FGF12: variants seen among roughly 807,000 people sequenced by gnomAD.
The protein encoded by FGF12 is fibroblast growth factor 12.
In FGF12, 14 loss-of-function variants were observed where a neutral mutation model predicts 23.6. That is an observed-to-expected ratio of 0.59 (90% CI 0.39 to 0.93). The LOEUF is 0.93. Among genes scored for constraint, FGF12 ranks in the 40% least tolerant of loss-of-function variants. The probability of loss-of-function intolerance (pLI) is 0.00; values close to 1 mark genes in which losing one functional copy is unlikely to be tolerated. For synonymous variants in FGF12, 62 were observed against 77.3 expected (o/e 0.80, Z 1.04); for missense variants, 175 against 217.8 (o/e 0.80, Z 1.24).
intron 2 of FGF12, among the ~76,000 whole-genome samples, chr3:192,683,055 A>G (rs978340885): frequency 2.6e-5 from 4 of 152,188 alleles, no homozygotes; most frequent in Admixed American, 6.5e-5. Flanking sequence ...TCTGAATCGT[A>G]TCCCTAATAA....
chr3:192,404,181 T>G (rs1012742956), intron 2 of FGF12, among the ~76,000 whole-genome samples: 1 of 152,314 alleles, frequency 6.6e-6, no homozygotes, highest in Admixed American at 6.5e-5. Flanking sequence ...TGTTCTGGTT[T>G]GAGGTAAGAA....
intron 4 of FGF12, among the ~76,000 whole-genome samples, chr3:192,248,807 C>T (rs1369572630): frequency 6.6e-6 from 1 of 151,944 alleles, no homozygotes; most frequent in East Asian, 1.9e-4. Context: ...ATATAAAATC[C>T]TAAGAGTTAA....
chr3:192,398,567 A>T lies in FGF12; in HGVS notation c.14-38029T>A, dbSNP rs887801250. 2.6e-5 allele frequency among the ~76,000 whole-genome samples: 4 copies of T among 152,006 alleles called. No individual in the cohort carries two copies. The South Asian group carries it at 8.3e-4, about 32-fold the overall frequency. On this transcript the variant is annotated intron_variant, in intron 2 of 5. Coordinates refer to ENST00000445105, the MANE Select transcript of FGF12 (RefSeq NM_004113.6). ...CCCGACTAATTTTGTATTTTAGTAA[A>T]GACAGGGTTTCACCATGTTGACCAG...
At chr3:192,716,538 G>A (rs752893753) in intron 2 of FGF12, among the ~76,000 whole-genome samples, 1 of 152,082 alleles carries the variant, frequency 6.6e-6, no homozygotes, top group South Asian at 2.1e-4. Context: ...GGCATTCTCT[G>A]GTTCCAAACA....
At position 192,401,757 on chromosome 3, in the gene FGF12, A is replaced by G. The variant is rs541320076; in HGVS notation, c.14-41219T>C. On this transcript the variant is annotated intron_variant, in intron 2 of 5. Coordinates refer to ENST00000445105, the MANE Select transcript of FGF12 (RefSeq NM_004113.6). ...TGCGGTTCTTGCCAAACTTTCCAAC[A>G]TCATCTGTACCCCTCTCCCCTTGTT... 6.2e-4 allele frequency among the ~76,000 whole-genome samples: 94 copies of G among 152,300 alleles called. 1 individual carries two copies. Among genetic ancestry groups the G allele is most frequent in the Non-Finnish European group, 3.2e-4 (22 of 68,016 alleles).
intron 2 of FGF12, among the ~76,000 whole-genome samples, chr3:192,549,862 C>G (rs1457837349): frequency 1.3e-5 from 2 of 152,096 alleles, no homozygotes; most frequent in Non-Finnish European, 2.9e-5. Context: ...GAACTTACAC[C>G]ATTAGCATTC....
At chr3:192,518,334 G>A (rs984750015) in intron 2 of FGF12, among the ~76,000 whole-genome samples, 3 of 152,068 alleles carry the variant, frequency 2.0e-5, no homozygotes, top group Admixed American at 6.5e-5. Context: ...GGATGAATGT[G>A]TTTGAATTCC....
chr3:192,145,101 G>A (rs1449469378), intron 5 of FGF12, among the ~76,000 whole-genome samples: 5 of 150,958 alleles, frequency 3.3e-5, no homozygotes, highest in Admixed American at 6.6e-5. Context: ...AGTGGTTACC[G>A]ATTTGCGAAC....
At chr3:192,561,642 G>A (rs765861886) in intron 2 of FGF12, among the ~76,000 whole-genome samples, 9 of 152,250 alleles carry the variant, frequency 5.9e-5, no homozygotes, top group African/African-American at 1.4e-4. Context: ...GATTACAGGC[G>A]TGAGCCACCG....
At chr3:192,188,831 TG>T (rs1488559983) in intron 4 of FGF12, among the ~76,000 whole-genome samples, 1 of 152,250 alleles carries the variant, frequency 6.6e-6, no homozygotes, top group Non-Finnish European at 1.5e-5. Flanking sequence ...GAAAAGAACG[TG>T]GGTAACCACC....
intron 2 of FGF12, among the ~76,000 whole-genome samples, chr3:192,389,817 A>G (rs1273937941): frequency 6.6e-6 from 1 of 152,250 alleles, no homozygotes; most frequent in Non-Finnish European, 1.5e-5. Context: ...ATGGTGAAAT[A>G]AATATTATAT....
Position 192,406,058 on chromosome 3 carries a change from T to C in FGF12, c.14-45520A>G, listed in dbSNP as rs575249072. Reference sequence around the variant, plus strand: ...ATCCTCTCTGATAAGATGAACACTGTGTAGAACAAAAAGGGAGGCAAATTA... The same window carrying C: ...ATCCTCTCTGATAAGATGAACACTGCGTAGAACAAAAAGGGAGGCAAATTA... On this transcript the variant is annotated intron_variant, in intron 2 of 5. Coordinates refer to ENST00000445105, the MANE Select transcript of FGF12 (RefSeq NM_004113.6). Among the ~76,000 whole-genome samples the C allele has an allele frequency of 5.2e-4, 79 of 152,166 alleles. 1 individual carries two copies. The highest frequency in any genetic ancestry group is 1.9e-3 in the African/African-American group (79 of 41,496).
At chr3:192,601,254 T>C (rs1429300721) in intron 2 of FGF12, among the ~76,000 whole-genome samples, 1 of 152,050 alleles carries the variant, frequency 6.6e-6, no homozygotes, top group Non-Finnish European at 1.5e-5. Context: ...CTCATAGAAG[T>C]TAAAAGTAGA....
intron 2 of FGF12, among the ~76,000 whole-genome samples, chr3:192,419,522 C>CAGAGACTTTCCACTCA (rs1156623057): frequency 6.6e-6 from 1 of 152,100 alleles, no homozygotes; most frequent in Non-Finnish European, 1.5e-5. Context: ...TTCCCACCAT[C>CAGAGACTTTCCACTCA]AGAGACTTTC....
At chr3:192,167,641 G>C (rs1054010808) in intron 5 of FGF12, among the ~76,000 whole-genome samples, 1 of 147,262 alleles carries the variant, frequency 6.8e-6, no homozygotes, top group African/African-American at 2.5e-5. Flanking sequence ...GGAATGTCCA[G>C]TTGTACACGT....
At chr3:192,314,203 T>C (rs900120212) in intron 4 of FGF12, among the ~76,000 whole-genome samples, 1 of 152,126 alleles carries the variant, frequency 6.6e-6, no homozygotes, top group African/African-American at 2.4e-5. Flanking sequence ...CAGTCTGTGA[T>C]AATTTGTCAA....
At chr3:192,687,896 T>C (rs921538608) in intron 2 of FGF12, among the ~76,000 whole-genome samples, 5 of 151,926 alleles carry the variant, frequency 3.3e-5, no homozygotes, top group Admixed American at 3.3e-4. Flanking sequence ...ATGCAGTCAG[T>C]CCTAGCCCCT....
intron 2 of FGF12, among the ~76,000 whole-genome samples, chr3:192,706,875 G>A (rs1465035691): frequency 1.3e-5 from 2 of 152,264 alleles, no homozygotes; most frequent in Middle Eastern, 3.4e-3. Flanking sequence ...ATTCTAAGGC[G>A]ACTTCACCAA....
At chr3:192,296,791 T>C (rs1218464429) in intron 4 of FGF12, among the ~76,000 whole-genome samples, 1 of 152,152 alleles carries the variant, frequency 6.6e-6, no homozygotes, top group Non-Finnish European at 1.5e-5. Context: ...AAAAATAAAA[T>C]ACTTTTAAGG....
Sources: gnomAD v4.1 joint callset for allele counts (sites outside exome capture counted in the v4.1 genomes callset) on GRCh38, gnomAD v4.1.1 for gene constraint, MANE v1.5 for transcripts, NCBI Gene and HGNC (gene_info 2026-07-23, HGNC 2026-07-21) for gene names.